The following XRCC6 variants were observed in gnomAD, a reference collection of about 807,000 sequenced individuals.
XRCC6 encodes X-ray repair cross complementing 6.
In XRCC6, 5 loss-of-function variants were observed where a neutral mutation model predicts 65.7. The ratio of observed to expected loss-of-function variants is 0.08; its 90% CI spans 0.04 to 0.16. The LOEUF (loss-of-function observed/expected upper bound fraction) is 0.16. Among genes scored for constraint, XRCC6 ranks in the 10% least tolerant of loss-of-function variants. The pLI is 1.00. For missense variants in XRCC6, 447 were observed against 738.1 expected (o/e 0.61, Z 4.57); for synonymous variants, 270 against 270.6 (o/e 1.00, Z 0.02).
chr22:41,625,388 G>A (rs998878692), intron 2 of XRCC6, among the ~76,000 whole-genome samples: 20 of 151,934 alleles, frequency 1.3e-4, no homozygotes, highest in Admixed American at 2.0e-4. Context: ...CACTTTGGGA[G>A]TAGGAGGCTG....
chr22:41,638,776 C>CAA (rs56677816), intron 6 of XRCC6, among the ~76,000 whole-genome samples: 683 of 64,574 alleles, frequency 0.011, 19 homozygotes, highest in African/African-American at 0.024. Context: ...GACTCCGCCT[C>CAA]AAAAAAAAAA....
chr22:41,639,239 A>C (rs2067846014), intron 6 of XRCC6, among the ~76,000 whole-genome samples: 1 of 151,392 alleles, frequency 6.6e-6, no homozygotes, highest in Non-Finnish European at 1.5e-5. Context: ...AAAAACTCAT[A>C]AATGTTAGTT....
intron 6 of XRCC6, among the ~76,000 whole-genome samples, chr22:41,642,943 GA>G (rs898660634): frequency 1.3e-5 from 2 of 152,204 alleles, no homozygotes; most frequent in Admixed American, 1.3e-4. Flanking sequence ...CTTGCCCCAG[GA>G]ACCAAAATTT....
intron 3 of XRCC6, among the ~76,000 whole-genome samples, chr22:41,632,203 CT>C (rs2067763135): frequency 6.6e-6 from 1 of 152,098 alleles, no homozygotes; most frequent in Admixed American, 6.6e-5. Flanking sequence ...ATTACTGTTT[CT>C]TTTGTGTACT....
intron 3 of XRCC6, among the ~76,000 whole-genome samples, chr22:41,635,219 C>G (rs2067796719): frequency 1.3e-5 from 2 of 152,164 alleles, no homozygotes; most frequent in Non-Finnish European, 2.9e-5. Flanking sequence ...GCCTATGCAT[C>G]ACTTCATTCA....
chr22:41,628,085 G>A (rs1472325410), intron 2 of XRCC6, 33 bp from the exon 3 acceptor site: 2 of 1,468,230 alleles, frequency 1.4e-6, no homozygotes, highest in Non-Finnish European at 1.9e-6. Flanking sequence ...CGAAAACAAG[G>A]ACAAACATTT....
rs1336925274 is a variant in XRCC6, at chr22:41,646,439, AGT to A, written c.774-454_774-453del. The stretch of plus-strand genomic sequence containing the variant: ...AACTATCATTTTATTATACGGGTTG[AGT>A]GTTTCTAATCTGAAAATCCAAAATT... On this transcript the variant is annotated intron_variant, in intron 6 of 12. Coordinates refer to ENST00000360079, the MANE Select transcript of XRCC6 (RefSeq NM_001469.5). Among the ~76,000 whole-genome samples the A allele has an allele frequency of 2.6e-5, 4 of 152,236 alleles. No homozygotes were observed. The East Asian group carries it at 7.7e-4, about 29-fold the overall frequency.
chr22:41,621,459 T>G (rs1484508430), intron 1 of XRCC6, 114 bp downstream of exon 1: 2 of 165,918 alleles, frequency 1.2e-5, no homozygotes, highest in Non-Finnish European at 2.6e-5. Context: ...AGCGTTAGCC[T>G]TAAGTGTGCG....
chr22:41,658,916 C>T (rs928310244), intron 11 of XRCC6, among the ~76,000 whole-genome samples: 2 of 152,120 alleles, frequency 1.3e-5, no homozygotes, highest in African/African-American at 2.4e-5. Context: ...GGTGACAGAG[C>T]GAGACGCTGT....
chr22:41,651,702 A>G (rs962497632), intron 8 of XRCC6, among the ~76,000 whole-genome samples: 16 of 151,264 alleles, frequency 1.1e-4, no homozygotes, highest in African/African-American at 3.9e-4. Context: ...TAATTTTTGT[A>G]TTTTTAGTAG....
Position 41,658,337 on chromosome 22 carries a change from G to A in XRCC6, c.1507G>A (p.Ala503Thr). The change falls in exon 11 of 13, where the codon GCA (alanine) becomes ACA (threonine). Residue 503 changes from alanine to threonine, a missense_variant. By Grantham distance (58) the Ala-to-Thr change is moderately conservative. Around this residue, in one of 4 missense-constraint regions of XRCC6, gnomAD observed 201 missense variants for 374.1 expected, o/e 0.54. Transcript: ENST00000360079. ...LALDLMEPEQAVDLTLPKVEA... is the reference protein window; with the variant it reads ...LALDLMEPEQTVDLTLPKVEA... ...CTTGGATTTGATGGAGCCGGAACAAGCAGTGGACCTGACATGTAAGGAGGT... is the reference window on the plus strand; with the variant it reads ...CTTGGATTTGATGGAGCCGGAACAAACAGTGGACCTGACATGTAAGGAGGT... The A allele has an allele frequency of 1.2e-6, 2 of 1,614,162 alleles. No individual in the cohort carries two copies. The highest frequency in any genetic ancestry group is 1.7e-6 in the Non-Finnish European group (2 of 1,180,012).
At position 41,636,636 on chromosome 22, in the gene XRCC6, A is replaced by G. The variant is rs2067812922; in HGVS notation, c.455A>G (p.Asn152Ser). Residue 152 changes from asparagine (N) to serine (S), a missense_variant, in exon 5 of 13, where the codon AAC (asparagine) becomes AGC (serine). Physicochemically the swap from Asn to Ser is conservative, Grantham distance 46. This residue lies in a region of XRCC6 where 228 missense variants were observed against 307.4 expected (regional missense o/e 0.74). Coordinates refer to ENST00000360079, the MANE Select transcript of XRCC6 (RefSeq NM_001469.5). ...SLSEVLWVCA[N>S]LFSDVQFKMS... ...AGTGAAGTGCTGTGGGTCTGTGCCA[A>G]CCTCTTTAGTGATGTCCAATTCAAG... 5 of 1,614,010 alleles carry G rather than the reference A, an allele frequency of 3.1e-6. No homozygotes were observed. The highest frequency in any genetic ancestry group is 4.2e-6 in the Non-Finnish European group (5 of 1,180,006).
Position 41,653,681 on chromosome 22 carries a change from A to G in XRCC6, c.1282A>G (p.Thr428Ala). 2 of 1,613,192 alleles carry G rather than the reference A, an allele frequency of 1.2e-6. No homozygotes were observed. The highest frequency in any genetic ancestry group is 1.7e-6 in the Non-Finnish European group (2 of 1,179,644). ...GTTGGATGACCAGAAAATTCAGGTG[A>G]CTCCTCCAGGTATGTGGCAGAGATA... The part of the protein sequence containing the change: ...EELDDQKIQV[T>A]PPGFQLVFLP... The change falls in exon 9 of 13, where the codon ACT (threonine) becomes GCT (alanine). Residue 428 changes from threonine (T) to alanine (A), a missense_variant. Coordinates refer to ENST00000360079, the MANE Select transcript of XRCC6 (RefSeq NM_001469.5).
chr22:41,662,300 C>T (rs941815803), intron 12 of XRCC6, among the ~76,000 whole-genome samples: 1 of 152,072 alleles, frequency 6.6e-6, no homozygotes, highest in Non-Finnish European at 1.5e-5. Flanking sequence ...ACATTGCATG[C>T]CTGTATCAAA....
intron 4 of XRCC6, 110 bp from the exon 5 acceptor site, chr22:41,636,406 G>T: frequency 6.6e-7 from 1 of 1,506,914 alleles, no homozygotes; most frequent in Non-Finnish European, 8.9e-7. Flanking sequence ...TTGTTAAATG[G>T]GTTAAACAGC....
At chr22:41,623,930 C>T (rs2067640124) in intron 2 of XRCC6, among the ~76,000 whole-genome samples, 1 of 149,316 alleles carries the variant, frequency 6.7e-6, no homozygotes, top group Non-Finnish European at 1.5e-5. Flanking sequence ...ACCATGTTGG[C>T]CAGGCTGGTC....
intron 7 of XRCC6, among the ~76,000 whole-genome samples, chr22:41,649,804 C>T (rs1287036854): frequency 1.3e-5 from 2 of 150,300 alleles, no homozygotes; most frequent in African/African-American, 2.5e-5. Flanking sequence ...TGCAGTGAGC[C>T]GAGATCGCTG....
At position 41,661,321 on chromosome 22, in the gene XRCC6, G is replaced by T; in HGVS notation, c.1523-10G>T. On this transcript the variant is annotated splice_polypyrimidine_tract_variant and intron_variant, in intron 11 of 12. Transcript: ENST00000360079. ...TCACCAGGCCACTCTTCTGTGTTTTGATTTTCTAGTGCCCAAGGTTGAAGC... is the reference window on the plus strand; with the variant it reads ...TCACCAGGCCACTCTTCTGTGTTTTTATTTTCTAGTGCCCAAGGTTGAAGC... 6.2e-7 allele frequency: 1 copy of T among 1,610,736 alleles called. No individual in the cohort carries two copies. Among genetic ancestry groups the T allele is most frequent in the South Asian group, 1.1e-5 (1 of 90,408 alleles).
intron 6 of XRCC6, among the ~76,000 whole-genome samples, chr22:41,643,820 C>CAA (rs1209911371): frequency 1.3e-5 from 1 of 79,932 alleles, no homozygotes; most frequent in African/African-American, 5.6e-5. Context: ...GACTCCATCT[C>CAA]AAAAAAAAAA....
Sources: allele counts gnomAD v4.1 joint callset (sites outside exome capture counted in the v4.1 genomes callset), GRCh38; gene constraint gnomAD v4.1.1; regional missense constraint gnomAD v4.1.1; transcripts MANE v1.5; gene names NCBI Gene and HGNC (gene_info 2026-07-23, HGNC 2026-07-21).